Variants in NT5DC1 observed in about 807,000 individuals in gnomAD.
NT5DC1 encodes 5'-nucleotidase domain-containing protein 1.
NT5DC1 carries 42 observed loss-of-function variants against 59.4 expected under a neutral mutation model. That is an observed-to-expected ratio of 0.71 (90% confidence interval 0.55 to 0.92). NT5DC1 has a LOEUF of 0.92. Ranked by LOEUF, NT5DC1 falls within the 40% of genes least tolerant of loss-of-function variation. The probability of loss-of-function intolerance (pLI) is 0.00; values close to 1 mark genes in which losing one functional copy is unlikely to be tolerated. For missense variants in NT5DC1, 501 were observed against 537.1 expected (o/e 0.93, Z 0.66); for synonymous variants, 172 against 188.1 (o/e 0.91, Z 0.70).
At chr6:116,160,098 T>A (rs986562342) in intron 6 of NT5DC1, among the ~76,000 whole-genome samples, 31 of 152,330 alleles carry the variant, frequency 2.0e-4, no homozygotes, top group African/African-American at 7.0e-4. Flanking sequence ...ATCTTTTTGA[T>A]AAAATGATTT....
rs73772269 is a variant in NT5DC1 at position 116,136,767 on chromosome 6, G to T, written c.529+18822G>T. ...CACAGATAACAATAAGCTATTCTTG[G>T]CCTTAGTTCCAACGGTTTGGAATCT... On this transcript the variant is annotated intron_variant, in intron 6 of 11. Coordinates refer to ENST00000319550, the MANE Select transcript of NT5DC1 (RefSeq NM_152729.3). Among the ~76,000 whole-genome samples the T allele has an allele frequency of 4.9e-3, 740 of 152,178 alleles. 11 individuals carry two copies. The highest frequency in any genetic ancestry group is 0.043 in the South Asian group (207 of 4,822).
chr6:116,125,869 G>A, intron 6 of NT5DC1: 1 of 202,808 alleles, frequency 4.9e-6, no homozygotes, highest in Non-Finnish European at 1.0e-5. Context: ...TTTACAATAT[G>A]GTTTTATTGG....
intron 6 of NT5DC1, among the ~76,000 whole-genome samples, chr6:116,180,319 T>G (rs1467112634): frequency 1.3e-5 from 2 of 152,066 alleles, no homozygotes; most frequent in African/African-American, 4.8e-5. Flanking sequence ...TTTTACAAAT[T>G]CTAACGCAAG....
At chr6:116,170,695 T>C (rs1321696729) in intron 6 of NT5DC1, among the ~76,000 whole-genome samples, 3 of 152,370 alleles carry the variant, frequency 2.0e-5, no homozygotes, top group Non-Finnish European at 2.9e-5. Flanking sequence ...TGGCTGTTGC[T>C]GTACCTCCCT....
At chr6:116,230,935 A>G (rs1179977989) in intron 8 of NT5DC1, among the ~76,000 whole-genome samples, 1 of 151,978 alleles carries the variant, frequency 6.6e-6, no homozygotes, top group Non-Finnish European at 1.5e-5. Context: ...AGTCAACCCC[A>G]TCTCCACTAA....
At chr6:116,125,498 C>T in intron 6 of NT5DC1, 2 of 1,613,322 alleles carry the variant, frequency 1.2e-6, no homozygotes, top group African/African-American at 2.7e-5. Context: ...AGCATATTCT[C>T]AGATGGATTC....
intron 6 of NT5DC1, among the ~76,000 whole-genome samples, chr6:116,127,852 A>G (rs1047992257): frequency 1.6e-4 from 24 of 152,184 alleles, no homozygotes; most frequent in African/African-American, 5.1e-4. Flanking sequence ...ACATAGTGCT[A>G]TGCCCCTGTG....
intron 6 of NT5DC1, among the ~76,000 whole-genome samples, chr6:116,171,772 A>G (rs994511993): frequency 3.3e-5 from 5 of 152,200 alleles, no homozygotes; most frequent in African/African-American, 9.6e-5. Context: ...GTGTTGAGCA[A>G]TTGGGGTACA....
intron 6 of NT5DC1, among the ~76,000 whole-genome samples, chr6:116,191,030 C>A (rs1781105228): frequency 6.6e-6 from 1 of 151,908 alleles, no homozygotes; most frequent in African/African-American, 2.4e-5. Context: ...AAGTGACTTC[C>A]CCGAAGTTGC....
intron 6 of NT5DC1, among the ~76,000 whole-genome samples, chr6:116,131,363 C>T (rs949610504): frequency 2.0e-5 from 3 of 152,160 alleles, no homozygotes; most frequent in African/African-American, 7.2e-5. Context: ...ATTTTTAAAA[C>T]ATTGTTTTGA....
At chr6:116,128,910 T>A (rs1779391960) in intron 6 of NT5DC1, among the ~76,000 whole-genome samples, 1 of 152,206 alleles carries the variant, frequency 6.6e-6, no homozygotes, top group South Asian at 2.1e-4. Flanking sequence ...TGTGTTCATA[T>A]GCTTTTTAAA....
At chr6:116,164,067 T>C (rs1403006219) in intron 6 of NT5DC1, among the ~76,000 whole-genome samples, 1 of 152,188 alleles carries the variant, frequency 6.6e-6, no homozygotes, top group Non-Finnish European at 1.5e-5. Flanking sequence ...AAATGTATAT[T>C]CTTTGGTTGT....
chr6:116,217,347 AG>A (rs1464026354), intron 6 of NT5DC1, among the ~76,000 whole-genome samples: 1 of 152,170 alleles, frequency 6.6e-6, no homozygotes, highest in African/African-American at 2.4e-5. Context: ...GCTTATTAAA[AG>A]AATTTCCTTT....
intron 6 of NT5DC1, among the ~76,000 whole-genome samples, chr6:116,122,856 AACATTGATTAATATAAAT>A (rs1779174657): frequency 6.6e-6 from 1 of 152,212 alleles, no homozygotes; most frequent in Non-Finnish European, 1.5e-5. Flanking sequence ...TCAATTTGAA[AACATTGATTAATATAAAT>A]ACATAGAGCT....
intron 6 of NT5DC1, 28 bp from the exon 7 acceptor site, chr6:116,221,026 A>G (rs756781677): frequency 8.9e-7 from 1 of 1,122,308 alleles, no homozygotes; most frequent in Non-Finnish European, 1.3e-6. Flanking sequence ...TTAAAAAGAA[A>G]AACCTCATTG....
chr6:116,104,824 GTGTATTTTT>G (rs1778738594), intron 1 of NT5DC1, among the ~76,000 whole-genome samples: 1 of 152,112 alleles, frequency 6.6e-6, no homozygotes, highest in Admixed American at 6.5e-5. Flanking sequence ...GGGTGACTCA[GTGTATTTTT>G]TGTTGCTTTT....
At chr6:116,176,737 A>G (rs575783176) in intron 6 of NT5DC1, among the ~76,000 whole-genome samples, 1 of 152,136 alleles carries the variant, frequency 6.6e-6, no homozygotes, top group Admixed American at 6.5e-5. Context: ...CTTTTGTTTC[A>G]TTAGCATGAA....
At position 116,150,656 on chromosome 6, in the gene NT5DC1, A is replaced by G. The variant is rs150706412; in HGVS notation, c.529+32711A>G. Among the ~76,000 whole-genome samples the G allele has an allele frequency of 3.0e-3, 459 of 152,302 alleles. 2 individuals are homozygous for G. The highest frequency in any genetic ancestry group is 0.01 in the African/African-American group (434 of 41,572). On this transcript the variant is annotated intron_variant, in intron 6 of 11. Transcript: ENST00000319550. Reference sequence around the variant, plus strand: ...CCCTGGACAAGAGTGAGTTTTAGGTACTTTACCTAACTTTCAGAGATTGGA... The same window carrying G: ...CCCTGGACAAGAGTGAGTTTTAGGTGCTTTACCTAACTTTCAGAGATTGGA...
At position 116,238,190 on chromosome 6, in the gene NT5DC1, G is replaced by A; in HGVS notation, c.925G>A (p.Val309Ile). 1 of 1,607,304 alleles carries A rather than the reference G, an allele frequency of 6.2e-7. No homozygotes were observed. Among genetic ancestry groups the A allele is most frequent in the Non-Finnish European group, 8.5e-7 (1 of 1,176,480 alleles). ...GCATCTGCTATCTGTCTTACAGGTTGTTTATTTTGGTGACAGCATGCATTC... is the reference window on the plus strand; with the variant it reads ...GCATCTGCTATCTGTCTTACAGGTTATTTATTTTGGTGACAGCATGCATTC... ...KMTGKPEPKV[V>I]YFGDSMHSDI... The change falls in exon 10 of 12, where the codon GTT becomes ATT. Residue 309 changes from valine to isoleucine, a missense_variant. By Grantham distance (29) the Val-to-Ile change is conservative. Transcript: ENST00000319550.
Sources: allele counts gnomAD v4.1 joint callset (sites outside exome capture counted in the v4.1 genomes callset), GRCh38; gene constraint gnomAD v4.1.1; transcripts MANE v1.5; gene names NCBI Gene and HGNC (gene_info 2026-07-23, HGNC 2026-07-21).